The following POU2F1 variants were observed in gnomAD, a reference collection of about 807,000 sequenced individuals.
The protein encoded by POU2F1 is POU class 2 homeobox 1.
In POU2F1, 16 loss-of-function variants were observed where a neutral mutation model predicts 84.9. The ratio of observed to expected loss-of-function variants is 0.19; its 90% CI spans 0.13 to 0.29. The LOEUF (loss-of-function observed/expected upper bound fraction) is 0.29. Ranked by LOEUF, POU2F1 falls within the 10% of genes least tolerant of loss-of-function variation. The pLI is 1.00. For missense variants in POU2F1, 738 were observed against 942.6 expected, an observed-to-expected ratio of 0.78 and a Z score of 2.84; for synonymous variants, 368 against 368.3, an observed-to-expected ratio of 1.00 and a Z score of 0.01.
At chr1:167,309,206 C>T (rs1337049279) in intron 1 of POU2F1, among the ~76,000 whole-genome samples, 1 of 151,376 alleles carries the variant, frequency 6.6e-6, no homozygotes, top group Non-Finnish European at 1.5e-5. Flanking sequence ...TGTAGGGGTA[C>T]TATTGCCCCC....
chr1:167,391,335 G>A (rs1571427540), intron 9 of POU2F1, among the ~76,000 whole-genome samples: 1 of 152,086 alleles, frequency 6.6e-6, no homozygotes. Flanking sequence ...CTGAAGTATG[G>A]ATTAGACTGG....
In POU2F1 at chr1:167,359,191, A is replaced by T. The variant is rs141128140; in HGVS notation, c.128-6276A>T. ...TCCTGAAACACACTAGACTTTTTTT[A>T]AAAAAAAAAAAACTATTTTTGTTTT... On this transcript the variant is annotated intron_variant, in intron 2 of 15. Transcript: ENST00000367866. Among the ~76,000 whole-genome samples, 193 of 12,326 alleles carry T rather than the reference A, an allele frequency of 0.016. 2 individuals carry two copies. In the East Asian group the frequency reaches 0.35, roughly 23 times the overall value. The allele number at this position is 12,326 out of a possible 152,430, so 8.1% of individuals were successfully genotyped here.
At chr1:167,244,706 A>G (rs560935229) in intron 1 of POU2F1, among the ~76,000 whole-genome samples, 15 of 152,262 alleles carry the variant, frequency 9.9e-5, no homozygotes, top group African/African-American at 2.9e-4. Flanking sequence ...TCACCTACCT[A>G]CTGAAAGCCT....
intron 13 of POU2F1, among the ~76,000 whole-genome samples, chr1:167,410,701 A>G (rs1571465688): frequency 6.6e-6 from 1 of 152,020 alleles, no homozygotes; most frequent in Admixed American, 6.5e-5. Flanking sequence ...TTTTTAATAG[A>G]GACGGGGTTT....
intron 9 of POU2F1, among the ~76,000 whole-genome samples, chr1:167,392,697 T>A (rs1443342183): frequency 6.6e-6 from 1 of 152,226 alleles, no homozygotes; most frequent in Non-Finnish European, 1.5e-5. Context: ...TTTTATCCTA[T>A]TTTTTGGCAT....
At chr1:167,229,175 A>T (rs113639386) in intron 1 of POU2F1, among the ~76,000 whole-genome samples, 18 of 132,680 alleles carry the variant, frequency 1.4e-4, no homozygotes, top group African/African-American at 3.3e-4. Flanking sequence ...TTTTTTTTTT[A>T]ATTTTTTTTT....
intron 1 of POU2F1, among the ~76,000 whole-genome samples, chr1:167,319,498 T>C (rs747345843): frequency 3.0e-4 from 46 of 152,128 alleles, no homozygotes; most frequent in South Asian, 8.3e-4. Flanking sequence ...GCTGTTTCAG[T>C]TAGAGATTCA....
chr1:167,250,389 A>G (rs1302911091), intron 1 of POU2F1, among the ~76,000 whole-genome samples: 2 of 152,218 alleles, frequency 1.3e-5, no homozygotes, highest in Non-Finnish European at 2.9e-5. Context: ...TTAATTTTAT[A>G]TAGTTATAAT....
chr1:167,348,249 T>C (rs1658328156), intron 2 of POU2F1, among the ~76,000 whole-genome samples: 1 of 152,172 alleles, frequency 6.6e-6, no homozygotes, highest in Admixed American at 6.5e-5. Flanking sequence ...TATTTGTGTA[T>C]CTAAACATAG....
At chr1:167,339,672 T>C (rs1356192408) in intron 2 of POU2F1, among the ~76,000 whole-genome samples, 2 of 152,240 alleles carry the variant, frequency 1.3e-5, no homozygotes, top group African/African-American at 2.4e-5. Flanking sequence ...ATCTGTTCTC[T>C]GGTATTACAA....
chr1:167,262,616 A>C (rs1277887870), intron 1 of POU2F1, among the ~76,000 whole-genome samples: 1 of 152,168 alleles, frequency 6.6e-6, no homozygotes, highest in Admixed American at 6.5e-5. Context: ...AATTGAGGAG[A>C]TCAAACATAT....
At chr1:167,261,438 T>A (rs1651561485) in intron 1 of POU2F1, among the ~76,000 whole-genome samples, 1 of 152,182 alleles carries the variant, frequency 6.6e-6, no homozygotes, top group Non-Finnish European at 1.5e-5. Flanking sequence ...AGGTTGGAGA[T>A]GTGGTCCTCT....
In POU2F1 at chr1:167,416,406, T is replaced by A. The variant is rs761978677; in HGVS notation, c.*596T>A. The A allele has an allele frequency of 1.1e-5, 2 of 182,310 alleles. No individual in the cohort carries two copies. The highest frequency in any genetic ancestry group is 2.3e-5 in the Non-Finnish European group (2 of 87,680). The allele number at this position is 182,310 out of a possible 1,614,324, so 11.3% of individuals were successfully genotyped here. On this transcript the variant is annotated 3_prime_UTR_variant, in exon 16 of 16. Coordinates refer to ENST00000367866, the MANE Select transcript of POU2F1 (RefSeq NM_002697.4). ...TATTATTGTTGTTGTTGTTATTGTTTTATATATATAGTTTGGACATGTTTA... is the reference window on the plus strand; with the variant it reads ...TATTATTGTTGTTGTTGTTATTGTTATATATATATAGTTTGGACATGTTTA...
At chr1:167,363,632 G>GT (rs1659484459) in intron 2 of POU2F1, among the ~76,000 whole-genome samples, 1 of 152,116 alleles carries the variant, frequency 6.6e-6, no homozygotes, top group Non-Finnish European at 1.5e-5. Flanking sequence ...TTTCACGCAA[G>GT]TTTTCAATTA....
At chr1:167,255,570 T>C (rs1240779378) in intron 1 of POU2F1, among the ~76,000 whole-genome samples, 2 of 152,132 alleles carry the variant, frequency 1.3e-5, no homozygotes, top group Non-Finnish European at 2.9e-5. Flanking sequence ...TTTAGAAAGA[T>C]GACAGTGATG....
chr1:167,226,428 C>T (rs1186567684), intron 1 of POU2F1, among the ~76,000 whole-genome samples: 1 of 152,170 alleles, frequency 6.6e-6, no homozygotes, highest in Non-Finnish European at 1.5e-5. Flanking sequence ...GCATTATTGA[C>T]ATTTCATAAG....
chr1:167,357,903 A>G (rs111496721), intron 2 of POU2F1, among the ~76,000 whole-genome samples: 3,741 of 147,386 alleles, frequency 0.025, 155 homozygotes, highest in African/African-American at 0.087. Flanking sequence ...TCCTGGGTTC[A>G]AGCAATCCCC....
At chr1:167,307,627 T>G (rs961515841) in intron 1 of POU2F1, among the ~76,000 whole-genome samples, 1 of 152,200 alleles carries the variant, frequency 6.6e-6, no homozygotes, top group Non-Finnish European at 1.5e-5. Flanking sequence ...AGTTACTGAC[T>G]TGATGCTCTG....
chr1:167,222,348 A>G (rs1648293561), intron 1 of POU2F1, among the ~76,000 whole-genome samples: 1 of 152,138 alleles, frequency 6.6e-6, no homozygotes, highest in Non-Finnish European at 1.5e-5. Context: ...GGGGAGGTTT[A>G]TATTATTGAA....
Sources: gnomAD v4.1 joint callset for allele counts (sites outside exome capture counted in the v4.1 genomes callset) on GRCh38, gnomAD v4.1.1 for gene constraint, MANE v1.5 for transcripts, NCBI Gene and HGNC (gene_info 2026-07-23, HGNC 2026-07-21) for gene names.